RAB11FIP4: variants seen among roughly 807,000 people sequenced by gnomAD.
The protein encoded by RAB11FIP4 is rab11 family-interacting protein 4.
In RAB11FIP4, 23 loss-of-function variants were observed where a neutral mutation model predicts 74.3. That is an observed-to-expected ratio of 0.31 (90% CI 0.22 to 0.44). The LOEUF is 0.44. RAB11FIP4 is among the 20% of genes least tolerant of loss of function. The pLI, the probability that RAB11FIP4 is intolerant of heterozygous loss-of-function variation, is 1.00. For missense variants in RAB11FIP4, 630 were observed against 863.9 expected, an observed-to-expected ratio of 0.73 and a Z score of 3.39; for synonymous variants, 360 against 359.9, an observed-to-expected ratio of 1.00 and a Z score of 0.00.
At chr17:31,495,366 A>ATT (rs3058694) in intron 3 of RAB11FIP4, among the ~76,000 whole-genome samples, 9 of 83,134 alleles carry the variant, frequency 1.1e-4, no homozygotes, top group Non-Finnish European at 2.3e-4. Context: ...CACTTGACTG[A>ATT]TTTTTTTTTT....
intron 1 of RAB11FIP4, among the ~76,000 whole-genome samples, chr17:31,425,456 G>A (rs2071239135): frequency 6.6e-6 from 1 of 152,184 alleles, no homozygotes; most frequent in African/African-American, 2.4e-5. Context: ...AAATTAGGGA[G>A]GCGTGGGTGG....
intron 3 of RAB11FIP4, among the ~76,000 whole-genome samples, chr17:31,487,449 A>AG (rs1190908588): frequency 1.4e-5 from 2 of 148,030 alleles, no homozygotes; most frequent in Non-Finnish European, 3.0e-5. Context: ...TTCAACAGGA[A>AG]GGGTCCTCTC....
chr17:31,456,487 G>A (rs1174376259), intron 3 of RAB11FIP4, among the ~76,000 whole-genome samples: 1 of 152,218 alleles, frequency 6.6e-6, no homozygotes, highest in Non-Finnish European at 1.5e-5. Context: ...AATTACAGGC[G>A]TGGGCCACCC....
chr17:31,398,457 G>T (rs1245328408), intron 1 of RAB11FIP4, among the ~76,000 whole-genome samples: 1 of 152,164 alleles, frequency 6.6e-6, no homozygotes, highest in African/African-American at 2.4e-5. Context: ...GAGAGACCGT[G>T]CCATGGGGGG....
At chr17:31,419,356 G>A (rs1783205208) in intron 1 of RAB11FIP4, among the ~76,000 whole-genome samples, 1 of 151,336 alleles carries the variant, frequency 6.6e-6, no homozygotes, top group African/African-American at 2.4e-5. Context: ...CTTTTGATAG[G>A]TTTTTCTTCT....
At chr17:31,531,486 C>T (rs2142835911) in intron 14 of RAB11FIP4, 130 bp from the exon 15 acceptor site, 3 of 676,380 alleles carry the variant, frequency 4.4e-6, no homozygotes, top group East Asian at 2.5e-5. Context: ...TGTCCTGGGG[C>T]CCACCTTGCC....
chr17:31,525,147 G>T lies in RAB11FIP4; in HGVS notation c.1191G>T (p.Leu397=). ...KDQETTAEQA[L]EEEARRHREA... ...AGGAGACCACGGCCGAGCAGGCTCT[G>T]GAGGAGGAGGCGCGGCGCCACCGCG... Residue 397 remains leucine, a synonymous_variant, in exon 10 of 15, where the codon CTG becomes CTT. Transcript: ENST00000621161. 1 of 1,549,830 alleles carries T rather than the reference G, an allele frequency of 6.5e-7. No homozygotes were observed. The highest frequency in any genetic ancestry group is 2.0e-4 in the Middle Eastern group (1 of 4,880).
At chr17:31,397,022 T>A (rs371176650) in intron 1 of RAB11FIP4, among the ~76,000 whole-genome samples, 4 of 151,880 alleles carry the variant, frequency 2.6e-5, no homozygotes, top group East Asian at 1.9e-4. Flanking sequence ...GGGGTTGGGG[T>A]GCTAGGATGG....
At chr17:31,403,477 C>G (rs1275161986) in intron 1 of RAB11FIP4, among the ~76,000 whole-genome samples, 3 of 152,014 alleles carry the variant, frequency 2.0e-5, no homozygotes, top group Non-Finnish European at 4.4e-5. Flanking sequence ...AGTGCACCAC[C>G]ACACCCAGCT....
chr17:31,395,936 C>T (rs1216946930), intron 1 of RAB11FIP4, among the ~76,000 whole-genome samples: 1 of 152,032 alleles, frequency 6.6e-6, no homozygotes, highest in African/African-American at 2.4e-5. Context: ...AATCCTAACA[C>T]TTTGGGAGGC....
intron 3 of RAB11FIP4, among the ~76,000 whole-genome samples, chr17:31,503,200 T>G (rs1443311509): frequency 6.6e-6 from 1 of 150,746 alleles, no homozygotes; most frequent in African/African-American, 2.5e-5. Flanking sequence ...GCCTGGCTAA[T>G]TTTTGTATTT....
chr17:31,505,966 G>T (rs2072341413), intron 3 of RAB11FIP4, among the ~76,000 whole-genome samples: 1 of 150,234 alleles, frequency 6.7e-6, no homozygotes, highest in African/African-American at 2.5e-5. Flanking sequence ...CTCCCAAAGT[G>T]CTGGCATTAC....
At chr17:31,476,801 C>A (rs1161395046) in intron 3 of RAB11FIP4, among the ~76,000 whole-genome samples, 2 of 152,242 alleles carry the variant, frequency 1.3e-5, no homozygotes, top group African/African-American at 4.8e-5. Flanking sequence ...CCGTGGTTTT[C>A]CCCTAAGTGG....
intron 3 of RAB11FIP4, among the ~76,000 whole-genome samples, chr17:31,505,496 TTATTA>T (rs1198160439): frequency 0.014 from 947 of 66,238 alleles, 76 homozygotes; most frequent in African/African-American, 0.046. Flanking sequence ...TAATATATAA[TTATTA>T]TATTATATAT....
At chr17:31,397,985 CT>C (rs959293330) in intron 1 of RAB11FIP4, among the ~76,000 whole-genome samples, 9 of 152,090 alleles carry the variant, frequency 5.9e-5, no homozygotes, top group Non-Finnish European at 8.8e-5. Context: ...AACCGTCCTC[CT>C]GCCCCAGCCT....
intron 3 of RAB11FIP4, among the ~76,000 whole-genome samples, chr17:31,446,622 C>T (rs2071466816): frequency 6.6e-6 from 1 of 151,826 alleles, no homozygotes; most frequent in African/African-American, 2.4e-5. Flanking sequence ...CTGAGAGGGG[C>T]AATCTCAAGA....
At chr17:31,392,109 C>A in intron 1 of RAB11FIP4, 98 bp downstream of exon 1, 1 of 918,230 alleles carries the variant, frequency 1.1e-6, no homozygotes, top group Non-Finnish European at 1.4e-6. Flanking sequence ...TGGCCCGAGG[C>A]GGTGGCCTCC....
chr17:31,497,677 G>A (rs1433682280), intron 3 of RAB11FIP4, among the ~76,000 whole-genome samples: 2 of 152,162 alleles, frequency 1.3e-5, no homozygotes, highest in Non-Finnish European at 2.9e-5. Context: ...GGTTAGGTGT[G>A]GGCTGTTCAT....
intron 3 of RAB11FIP4, among the ~76,000 whole-genome samples, chr17:31,463,029 G>C (rs1318577943): frequency 6.6e-6 from 1 of 152,178 alleles, no homozygotes; most frequent in Non-Finnish European, 1.5e-5. Flanking sequence ...TCATGAGGCC[G>C]CCTCTGCACT....
Sources: gnomAD v4.1 joint callset for allele counts (sites outside exome capture counted in the v4.1 genomes callset) on GRCh38, gnomAD v4.1.1 for gene constraint, MANE v1.5 for transcripts, NCBI Gene and HGNC (gene_info 2026-07-23, HGNC 2026-07-21) for gene names.